The following ARFGEF1 variants were observed in gnomAD, a reference collection of about 807,000 sequenced individuals.
ARFGEF1 encodes the protein ARF guanine nucleotide exchange factor 1.
A neutral mutation model predicts 231.0 loss-of-function variants in ARFGEF1; 42 were observed. The observed-to-expected ratio is 0.18, with a 90% CI of 0.14 to 0.24. The LOEUF (loss-of-function observed/expected upper bound fraction) is 0.24. Among genes scored for constraint, ARFGEF1 ranks in the 10% least tolerant of loss-of-function variants. ARFGEF1 has a pLI of 1.00. For synonymous variants in ARFGEF1, 710 were observed against 732.3 expected (o/e 0.97, Z 0.49); for missense variants, 1,345 against 2,192.0 (o/e 0.61, Z 7.72).
chr8:67,282,862 A>G (rs1587212542), intron 7 of ARFGEF1, among the ~76,000 whole-genome samples: 1 of 149,962 alleles, frequency 6.7e-6, no homozygotes, highest in Non-Finnish European at 1.5e-5. Context: ...AAAAAAAAAG[A>G]AAGAAAGAAA....
rs1839845076 is a variant in ARFGEF1 at position 67,238,881 on chromosome 8, C to T, written c.2992G>A (p.Ala998Thr). Reference sequence around the variant, plus strand: ...AATCTTGCTAGTGCCTGGACATATGCATCTCTCTCCAGCTATAAAAAAGAG... The same window carrying T: ...AATCTTGCTAGTGCCTGGACATATGTATCTCTCTCCAGCTATAAAAAAGAG... ...CIFSIQLERD[A>T]YVQALARFTL... is the part of the protein sequence containing the mutation. The change falls in exon 21 of 39, where the codon GCA becomes ACA. Residue 998 changes from alanine (A) to threonine (T), a missense_variant. By Grantham distance (58) the Ala-to-Thr change is moderately conservative (BLOSUM62 0). Around this residue, in one of 14 missense-constraint regions of ARFGEF1, gnomAD observed 146 missense variants for 321.4 expected, o/e 0.45. Coordinates refer to ENST00000262215, the MANE Select transcript of ARFGEF1 (RefSeq NM_006421.5). 1 of 1,613,204 alleles carries T rather than the reference C, an allele frequency of 6.2e-7. No homozygotes were observed. The highest frequency in any genetic ancestry group is 8.5e-7 in the Non-Finnish European group (1 of 1,179,440).
At chr8:67,292,885 G>A (rs970304559) in intron 5 of ARFGEF1, among the ~76,000 whole-genome samples, 2 of 152,030 alleles carry the variant, frequency 1.3e-5, no homozygotes, top group Non-Finnish European at 2.9e-5. Flanking sequence ...ATCTTATACA[G>A]TAGTAAATAT....
intron 7 of ARFGEF1, among the ~76,000 whole-genome samples, chr8:67,280,391 G>T (rs1001545893): frequency 1.1e-4 from 17 of 152,322 alleles, no homozygotes; most frequent in African/African-American, 4.1e-4. Context: ...GGCCAGGAAA[G>T]GAGAGAGCAG....
At chr8:67,302,360 CA>C (rs1405730193) in intron 2 of ARFGEF1, 75 bp downstream of exon 2, 2 of 1,171,066 alleles carry the variant, frequency 1.7e-6, no homozygotes, top group African/African-American at 1.6e-5. Context: ...CACTAAAATA[CA>C]GATGACTATA....
Position 67,343,429 on chromosome 8 carries a change from T to G in ARFGEF1, c.-142A>C, listed in dbSNP as rs569848981. The stretch of plus-strand genomic sequence containing the variant: ...GGAGGCGTGGAGGGCAGCGGCAGGA[T>G]CAGGAAGGGGCGGGCGAGCGGGACC... On this transcript the variant is annotated 5_prime_UTR_variant, in exon 1 of 39. Coordinates refer to ENST00000262215, the MANE Select transcript of ARFGEF1 (RefSeq NM_006421.5). 1.4e-6 allele frequency: 2 copies of G among 1,398,862 alleles called. No homozygotes were observed. Among genetic ancestry groups the G allele is most frequent in the South Asian group, 3.2e-5 (2 of 61,802 alleles). The allele number at this position is 1,398,862 out of a possible 1,614,324, so 86.7% of individuals were successfully genotyped here. A position where few individuals can be genotyped will look rare whatever the true frequency, so the allele number is the denominator to read the frequency against.
intron 1 of ARFGEF1, 134 bp from the exon 2 acceptor site, chr8:67,302,600 T>C (rs1416319567): frequency 1.9e-6 from 1 of 532,886 alleles, no homozygotes; most frequent in Non-Finnish European, 3.2e-6. Flanking sequence ...AAAAATTAGA[T>C]GCTAAAATTG....
intron 11 of ARFGEF1, 40 bp downstream of exon 11, chr8:67,267,300 CTAA>C (rs1440523636): frequency 1.3e-6 from 2 of 1,587,020 alleles, no homozygotes; most frequent in South Asian, 1.2e-5. Context: ...TTTTAAATAT[CTAA>C]TAATAAGAAA....
intron 7 of ARFGEF1, among the ~76,000 whole-genome samples, chr8:67,282,099 T>C (rs577091887): frequency 1.3e-5 from 2 of 152,100 alleles, no homozygotes; most frequent in Non-Finnish European, 2.9e-5. Flanking sequence ...ATTTAATAGA[T>C]ATTTTAAAAA....
intron 5 of ARFGEF1, chr8:67,177,860 T>A: frequency 1.4e-6 from 1 of 723,802 alleles, no homozygotes; most frequent in Middle Eastern, 3.4e-4. Context: ...ATCAGTAAAG[T>A]GGATAGCTTG....
chr8:67,334,748 T>C (rs1808265047), intron 1 of ARFGEF1, among the ~76,000 whole-genome samples: 3 of 152,188 alleles, frequency 2.0e-5, no homozygotes, highest in South Asian at 4.1e-4. Context: ...GAAGTGTGGA[T>C]ACAAACTTCA....
intron 34 of ARFGEF1, 93 bp from the exon 35 acceptor site, chr8:67,204,912 A>T: frequency 6.8e-7 from 1 of 1,461,050 alleles, no homozygotes; most frequent in Non-Finnish European, 9.4e-7. Context: ...AGGAAACATC[A>T]ATATGTATTC....
chr8:67,328,721 A>C (rs1329349675), intron 1 of ARFGEF1, among the ~76,000 whole-genome samples: 1 of 152,224 alleles, frequency 6.6e-6, no homozygotes, highest in African/African-American at 2.4e-5. Flanking sequence ...TGTAAACTAA[A>C]TGTGTATTTG....
In ARFGEF1 at chr8:67,296,474, G is replaced by T. The variant is rs375579913; in HGVS notation, c.596C>A (p.Thr199Asn). 57 of 1,613,870 alleles carry T rather than the reference G, an allele frequency of 3.5e-5. No individual in the cohort carries two copies. Among genetic ancestry groups the T allele is most frequent in the Non-Finnish European group, 4.7e-5 (55 of 1,179,962 alleles). ...TGCAAAGATAACATTTAGCATCTGA[G>T]TGAGAGTAGCTTTGGCTGTTGTCTG... ...INQTTAKATL[T>N]QMLNVIFARM... The change falls in exon 5 of 39, where the codon ACT becomes AAT. Residue 199 changes from threonine (T) to asparagine (N), a missense_variant. Physicochemically the swap from Thr to Asn is moderately conservative, Grantham distance 65. Transcript: ENST00000262215.
At chr8:67,203,569 C>A (rs1838408904) in intron 35 of ARFGEF1, among the ~76,000 whole-genome samples, 1 of 152,186 alleles carries the variant, frequency 6.6e-6, no homozygotes, top group South Asian at 2.1e-4. Flanking sequence ...AACCCCTCCT[C>A]TTCTTTTTAG....
At chr8:67,279,891 CTCT>C (rs1805466098) in intron 7 of ARFGEF1, among the ~76,000 whole-genome samples, 1 of 152,054 alleles carries the variant, frequency 6.6e-6, no homozygotes, top group Non-Finnish European at 1.5e-5. Context: ...ATGTTTTCTC[CTCT>C]AATTATCCTT....
At chr8:67,225,922 G>A (rs1454438805) in intron 28 of ARFGEF1, 101 bp downstream of exon 28, 1 of 1,211,522 alleles carries the variant, frequency 8.3e-7, no homozygotes, top group Non-Finnish European at 1.1e-6. Context: ...TCAAATTACT[G>A]AAAAATAAAT....
chr8:67,210,843 AGGAGT>A, intron 34 of ARFGEF1, among the ~76,000 whole-genome samples: 1 of 151,738 alleles, frequency 6.6e-6, no homozygotes, highest in Non-Finnish European at 1.5e-5. Context: ...TCATAAGGTC[AGGAGT>A]TTGAGACCAG....
intron 7 of ARFGEF1, among the ~76,000 whole-genome samples, chr8:67,283,336 C>A (rs1187030494): frequency 1.3e-5 from 2 of 152,008 alleles, no homozygotes; most frequent in African/African-American, 2.4e-5. Context: ...TGAAAATAAT[C>A]TAAATGCTAG....
At chr8:67,224,064 T>C (rs1164980669) in intron 29 of ARFGEF1, among the ~76,000 whole-genome samples, 2 of 152,066 alleles carry the variant, frequency 1.3e-5, no homozygotes, top group African/African-American at 4.8e-5. Flanking sequence ...TGGTGGGGGA[T>C]GGGGGTGGTT....
Sources: gnomAD v4.1 joint callset for allele counts (sites outside exome capture counted in the v4.1 genomes callset) on GRCh38, gnomAD v4.1.1 for gene constraint, gnomAD v4.1.1 regional missense constraint, MANE v1.5 for transcripts, NCBI Gene and HGNC (gene_info 2026-07-23, HGNC 2026-07-21) for gene names.